Variants in RTL9 observed in about 807,000 individuals in gnomAD.
RTL9 encodes the protein retrotransposon Gag like 9.
RTL9 carries 19 observed loss-of-function variants against 44.7 expected under a neutral mutation model. The ratio of observed to expected loss-of-function variants is 0.42; its 90% CI spans 0.30 to 0.62. The LOEUF (loss-of-function observed/expected upper bound fraction) is 0.62. RTL9 is among the 20% of genes least tolerant of loss of function. The pLI is 0.16. For synonymous variants in RTL9, 407 were observed against 398.9 expected (o/e 1.02, Z -0.24); for missense variants, 1,105 against 1,080.6 (o/e 1.02, Z -0.32).
intron 1 of RTL9, among the ~76,000 whole-genome samples, chrX:110,427,816 A>G (rs368552253): frequency 7.2e-5 from 8 of 111,844 alleles, no homozygotes; most frequent in East Asian, 5.7e-4. Flanking sequence ...AGTCATTTGC[A>G]ATTCTCTTAG....
intron 1 of RTL9, among the ~76,000 whole-genome samples, chrX:110,390,430 C>T (rs1368217000): frequency 1.8e-5 from 2 of 111,843 alleles, no homozygotes; most frequent in African/African-American, 3.3e-5. Context: ...AAAAGAATGA[C>T]GAGAACATCA....
chrX:110,359,304 T>C (rs1403102918), intron 1 of RTL9, among the ~76,000 whole-genome samples: 8 of 111,703 alleles, frequency 7.2e-5, no homozygotes, highest in Admixed American at 6.7e-4. Flanking sequence ...TGGCTTTTTT[T>C]TCACCCATGA....
chrX:110,395,454 G>A (rs766230001), intron 1 of RTL9, among the ~76,000 whole-genome samples: 3 of 111,346 alleles, frequency 2.7e-5, no homozygotes, highest in Non-Finnish European at 5.7e-5. Flanking sequence ...TAAGTACTTT[G>A]CCTGCATTTC....
At chrX:110,393,193 T>A (rs2068506523) in intron 1 of RTL9, among the ~76,000 whole-genome samples, 1 of 111,476 alleles carries the variant, frequency 9.0e-6, no homozygotes, top group African/African-American at 3.3e-5. Context: ...CCTGGTACCA[T>A]CATTAATTAG....
chrX:110,444,108 G>A (rs754326233), intron 1 of RTL9, among the ~76,000 whole-genome samples: 3 of 112,372 alleles, frequency 2.7e-5, no homozygotes, highest in Non-Finnish European at 3.8e-5. Flanking sequence ...GTCTCAAGCC[G>A]GAAACTGATT....
At chrX:110,370,504 C>T (rs1361994699) in intron 1 of RTL9, among the ~76,000 whole-genome samples, 2 of 112,565 alleles carry the variant, frequency 1.8e-5, no homozygotes, top group Non-Finnish European at 3.8e-5. Flanking sequence ...CCACTGCGCC[C>T]GGCCTATTCT....
At chrX:110,430,582 G>A (rs758259491) in intron 1 of RTL9, among the ~76,000 whole-genome samples, 11 of 111,766 alleles carry the variant, frequency 9.8e-5, no homozygotes, top group Non-Finnish European at 2.1e-4. Context: ...AGTGACAGAA[G>A]CAATAGAGTG....
exon 1 of RTL9, chrX:110,452,026 C>T: frequency 8.3e-7 from 1 of 1,211,785 alleles, no homozygotes; most frequent in Non-Finnish European, 1.1e-6. Context: ...TTAACAATGG[C>T]CAAAACTTCT....
exon 1 of RTL9, chrX:110,453,923 T>C: frequency 8.3e-7 from 1 of 1,211,999 alleles, no homozygotes; most frequent in Non-Finnish European, 1.1e-6. Flanking sequence ...CCACAGACTC[T>C]GGAGAGGCAT....
intron 1 of RTL9, among the ~76,000 whole-genome samples, chrX:110,406,579 G>A (rs1158434344): frequency 8.9e-6 from 1 of 112,063 alleles, no homozygotes; most frequent in Non-Finnish European, 1.9e-5. Context: ...GTGGGCATGT[G>A]TCTTTATAGC....
At chrX:110,438,857 A>G (rs978036341) in intron 1 of RTL9, among the ~76,000 whole-genome samples, 3 of 112,233 alleles carry the variant, frequency 2.7e-5, no homozygotes, top group Non-Finnish European at 5.6e-5. Context: ...TGTTCCTTCT[A>G]TTGTGCTCTG....
At chrX:110,429,467 T>G (rs1296173064) in intron 1 of RTL9, among the ~76,000 whole-genome samples, 18 of 79,949 alleles carry the variant, frequency 2.3e-4, no homozygotes, top group African/African-American at 6.1e-4. Context: ...TGTTTTTTTT[T>G]TTTTTTGTTT....
intron 1 of RTL9, among the ~76,000 whole-genome samples, chrX:110,377,557 C>G: frequency 8.9e-6 from 1 of 112,038 alleles, no homozygotes; most frequent in Non-Finnish European, 1.9e-5. Flanking sequence ...ATTCCCCGCC[C>G]ATGTCCATGT....
rs1277380799 is a variant in RTL9 at position 110,437,158 on chromosome X, G to GGACTGAGAA, written c.-167-7992_-167-7984dup. ...AAAGGCTTAGGAATGCTCTCTAGTG[G>GGACTGAGAA]GACTGAGAAGAAAAGGTGAGAGGGT... On this transcript the variant is annotated intron_variant, in intron 1 of 3. Coordinates refer to the RTL9 transcript ENST00000465301. 2.2e-4 allele frequency among the ~76,000 whole-genome samples: 25 copies of GGACTGAGAA among 111,739 alleles called. 1 individual carries two copies. In the East Asian group the frequency reaches 6.8e-3, roughly 30 times the overall value.
At chrX:110,368,719 A>C (rs1205739631) in intron 1 of RTL9, among the ~76,000 whole-genome samples, 1 of 112,200 alleles carries the variant, frequency 8.9e-6, no homozygotes, top group Non-Finnish European at 1.9e-5. Context: ...CTAGAATATA[A>C]GCTTCAGGAA....
chrX:110,436,410 A>G lies in RTL9; in HGVS notation c.-167-8743A>G, dbSNP rs1411736557. ...GGGCTGAAGCACAAACCCACTCTGT[A>G]TCTTTATAGAGATAACTGCTGGAAT... On this transcript the variant is annotated intron_variant, in intron 1 of 3. Transcript: ENST00000465301. 2.7e-5 allele frequency among the ~76,000 whole-genome samples: 3 copies of G among 112,065 alleles called. No homozygotes were observed. The Admixed American group carries it at 2.8e-4, about 11-fold the overall frequency.
At chrX:110,430,231 C>T (rs188356817) in intron 1 of RTL9, among the ~76,000 whole-genome samples, 13 of 112,671 alleles carry the variant, frequency 1.2e-4, no homozygotes, top group Admixed American at 4.7e-4. Context: ...GGTACTTTAC[C>T]GCTTCTTTTG....
chrX:110,403,093 C>A (rs2068575774), intron 1 of RTL9, among the ~76,000 whole-genome samples: 1 of 111,198 alleles, frequency 9.0e-6, no homozygotes, highest in Non-Finnish European at 1.9e-5. Flanking sequence ...GCCCTGCCAT[C>A]CTTGGGAGTA....
At chrX:110,385,445 T>C (rs1225725241) in intron 1 of RTL9, among the ~76,000 whole-genome samples, 2 of 111,675 alleles carry the variant, frequency 1.8e-5, no homozygotes, top group African/African-American at 6.5e-5. Context: ...CACCACAATC[T>C]AATTTTTAGA....
Sources: gnomAD v4.1 joint callset for allele counts (sites outside exome capture counted in the v4.1 genomes callset) on GRCh38, gnomAD v4.1.1 for gene constraint, MANE v1.5 for transcripts, NCBI Gene and HGNC (gene_info 2026-07-23, HGNC 2026-07-21) for gene names.